S100PBP: variants seen among roughly 807,000 people sequenced by gnomAD.
S100PBP encodes the protein S100P-binding protein.
Under a neutral mutation model 39.9 loss-of-function variants are expected in S100PBP, and 15 were observed. That is an observed-to-expected ratio of 0.38 (90% CI 0.25 to 0.58). The LOEUF (loss-of-function observed/expected upper bound fraction) is 0.58, where lower values mean the gene tolerates loss of function less well. Among genes scored for constraint, S100PBP ranks in the 20% least tolerant of loss-of-function variants. The probability of loss-of-function intolerance (pLI) is 0.70; values close to 1 mark genes in which losing one functional copy is unlikely to be tolerated. For synonymous variants in S100PBP, 178 were observed against 180.3 expected (o/e 0.99, Z 0.10); for missense variants, 504 against 487.3 (o/e 1.03, Z -0.32).
At chr1:32,854,133 T>A (rs1235225463) in intron 6 of S100PBP, among the ~76,000 whole-genome samples, 2 of 152,192 alleles carry the variant, frequency 1.3e-5, no homozygotes, top group African/African-American at 2.4e-5. Context: ...TTTTACTTTT[T>A]TCTCTCTCAC....
At chr1:32,845,443 AAAAG>A (rs1289846008) in intron 5 of S100PBP, among the ~76,000 whole-genome samples, 2 of 152,000 alleles carry the variant, frequency 1.3e-5, no homozygotes, top group Admixed American at 1.3e-4. Context: ...CTCAAAAAAA[AAAAG>A]TTAAATAGAG....
At chr1:32,817,333 G>A, upstream of S100PBP, 3 of 1,544,008 alleles carry the variant, frequency 1.9e-6, no homozygotes, top group South Asian at 2.2e-5. Flanking sequence ...GAACTGTCAC[G>A]CGAGTCCAGC....
intron 6 of S100PBP, among the ~76,000 whole-genome samples, chr1:32,855,317 A>C (rs1181710046): frequency 4.6e-5 from 7 of 152,196 alleles, no homozygotes; most frequent in Non-Finnish European, 1.0e-4. Context: ...GAGCACTTTC[A>C]GAGTCAAAAA....
intron 1 of S100PBP, among the ~76,000 whole-genome samples, chr1:32,821,072 GT>G: frequency 6.6e-6 from 1 of 152,124 alleles, no homozygotes; most frequent in South Asian, 2.1e-4. Flanking sequence ...TTTGTTTCAG[GT>G]CTCTTCTTGC....
chr1:32,848,907 C>T (rs1640494605), intron 5 of S100PBP, among the ~76,000 whole-genome samples: 1 of 152,012 alleles, frequency 6.6e-6, no homozygotes, highest in Non-Finnish European at 1.5e-5. Flanking sequence ...ACCTTTTTGC[C>T]ACAACTTAAA....
chr1:32,849,426 CT>C (rs1640520782), intron 5 of S100PBP, among the ~76,000 whole-genome samples: 1 of 152,166 alleles, frequency 6.6e-6, no homozygotes, highest in Non-Finnish European at 1.5e-5. Context: ...TTTTTCTAAG[CT>C]TCAGTTTACT....
rs1272048974 is a variant in S100PBP at position 32,858,272 on chromosome 1, A to G, written c.*2234A>G. 6.6e-6 allele frequency: 1 copy of G among 152,654 alleles called. No homozygotes were observed. The highest frequency in any genetic ancestry group is 1.5e-5 in the Non-Finnish European group (1 of 68,038). 9.5% of individuals were successfully genotyped at this position (152,654 alleles called of 1,614,324 possible). A position where few individuals can be genotyped will look rare whatever the true frequency, so the allele number is the denominator to read the frequency against. On this transcript the variant is annotated 3_prime_UTR_variant, in exon 7 of 7. Coordinates refer to ENST00000373475, the MANE Select transcript of S100PBP (RefSeq NM_022753.4). ...TGTAATAGGAGCACTGCCTTTGCCAAATCAAATGAGTGACAGGTTAACTAG... is the reference window on the plus strand; with the variant it reads ...TGTAATAGGAGCACTGCCTTTGCCAGATCAAATGAGTGACAGGTTAACTAG...
upstream of S100PBP, chr1:32,817,307 C>G (rs1569797135): frequency 6.2e-7 from 1 of 1,600,456 alleles, no homozygotes; most frequent in Non-Finnish European, 8.5e-7. Flanking sequence ...GGGTCACCGT[C>G]GCCGCCGCGT....
chr1:32,839,433 A>G (rs1322043407), intron 5 of S100PBP, among the ~76,000 whole-genome samples: 1 of 152,140 alleles, frequency 6.6e-6, no homozygotes, highest in Admixed American at 6.5e-5. Flanking sequence ...TAATGCCGTT[A>G]TGCATATGCA....
upstream of S100PBP, chr1:32,817,560 T>G: frequency 1.9e-6 from 1 of 532,738 alleles, no homozygotes; most frequent in South Asian, 2.2e-5. Flanking sequence ...CAATCACTGC[T>G]GGTTTGCCCT....
chr1:32,846,298 T>G (rs2148683330), intron 5 of S100PBP, among the ~76,000 whole-genome samples: 1 of 151,432 alleles, frequency 6.6e-6, no homozygotes, highest in East Asian at 1.9e-4. Flanking sequence ...CTCCTTAATT[T>G]ACTTTTATGT....
intron 6 of S100PBP, among the ~76,000 whole-genome samples, chr1:32,855,038 G>C (rs1640768139): frequency 6.6e-6 from 1 of 152,170 alleles, no homozygotes; most frequent in Admixed American, 6.5e-5. Context: ...ATTAAGTGAG[G>C]AGAGGTATTT....
rs117285529 is a variant in S100PBP at position 32,853,752 on chromosome 1, C to T, written c.1112+586C>T. The stretch of plus-strand genomic sequence containing the variant: ...CGCTACAAAAAATACAAAAACTTAA[C>T]TGGGCATGGTGGTGTGTGTCTGTAG... On this transcript the variant is annotated intron_variant, in intron 6 of 6. Transcript: ENST00000373475. Among the ~76,000 whole-genome samples, 578 of 152,170 alleles carry T rather than the reference C, an allele frequency of 3.8e-3. 20 individuals carry two copies. The East Asian group carries it at 0.092, about 24-fold the overall frequency.
chr1:32,829,423 C>T (rs1639489653), intron 4 of S100PBP, among the ~76,000 whole-genome samples: 1 of 152,150 alleles, frequency 6.6e-6, no homozygotes, highest in South Asian at 2.1e-4. Flanking sequence ...TCCTTGTTAG[C>T]AGGAGGTTGT....
At chr1:32,822,615 C>T (rs1323031446) in intron 1 of S100PBP, among the ~76,000 whole-genome samples, 2 of 126,204 alleles carry the variant, frequency 1.6e-5, no homozygotes, top group African/African-American at 3.2e-5. Flanking sequence ...AGCTAGACTC[C>T]GTTTCAAAAA....
chr1:32,824,827 C>CATATTTATAT (rs1553128558), intron 1 of S100PBP: 1 of 129,594 alleles, frequency 7.7e-6, no homozygotes. Context: ...TTTTTCTATA[C>CATATTTATAT]ATATATATAT....
intron 5 of S100PBP, among the ~76,000 whole-genome samples, chr1:32,850,966 A>G (rs143310349): frequency 2.3e-4 from 35 of 152,342 alleles, no homozygotes; most frequent in African/African-American, 7.9e-4. Context: ...CACTCACTGC[A>G]CACACGCTGT....
Position 32,829,950 on chromosome 1 carries a change from T to C in S100PBP, c.921-14T>C, listed in dbSNP as rs771486329. ...ATGGGCTGTTTTTCTTTTTTCTGGT[T>C]TGCTTTATTCAAGGACTAATGTTCC... On this transcript the variant is annotated splice_polypyrimidine_tract_variant and intron_variant, in intron 4 of 6. Coordinates refer to ENST00000373475, the MANE Select transcript of S100PBP (RefSeq NM_022753.4). 14 of 1,595,634 alleles carry C rather than the reference T, an allele frequency of 8.8e-6. No individual in the cohort carries two copies. In the African/African-American group the frequency reaches 1.7e-4, roughly 20 times the overall value.
intron 5 of S100PBP, chr1:32,835,470 TG>T (rs1419848738): frequency 6.6e-6 from 1 of 152,172 alleles, no homozygotes; most frequent in Non-Finnish European, 1.5e-5. Flanking sequence ...AATTCAGTAA[TG>T]TTACATATAT....
Sources: allele counts gnomAD v4.1 joint callset (sites outside exome capture counted in the v4.1 genomes callset), GRCh38; gene constraint gnomAD v4.1.1; transcripts MANE v1.5; gene names NCBI Gene and HGNC (gene_info 2026-07-23, HGNC 2026-07-21).